The following RALGPS2 variants were observed in gnomAD, a reference collection of about 807,000 sequenced individuals.
RALGPS2 encodes Ral GEF with PH domain and SH3 binding motif 2.
In RALGPS2, 43 loss-of-function variants were observed where a neutral mutation model predicts 86.8. That is an observed-to-expected ratio of 0.50 (90% CI 0.39 to 0.64). The LOEUF is 0.64. Among genes scored for constraint, RALGPS2 ranks in the 30% least tolerant of loss-of-function variants. RALGPS2 has a pLI of 0.00. For missense variants in RALGPS2, 536 were observed against 694.6 expected (o/e 0.77, Z 2.57); for synonymous variants, 243 against 231.3 (o/e 1.05, Z -0.46).
At chr1:178,759,353 T>G (rs1025642411) in intron 1 of RALGPS2, among the ~76,000 whole-genome samples, 1 of 152,162 alleles carries the variant, frequency 6.6e-6, no homozygotes, top group Non-Finnish European at 1.5e-5. Flanking sequence ...CCAATGAATG[T>G]TCTTGGCACC....
At chr1:178,792,360 C>T (rs1462138636) in intron 4 of RALGPS2, among the ~76,000 whole-genome samples, 1 of 152,180 alleles carries the variant, frequency 6.6e-6, no homozygotes, top group Non-Finnish European at 1.5e-5. Context: ...AGCCTTTCCA[C>T]TTCTTTCTCT....
intron 1 of RALGPS2, among the ~76,000 whole-genome samples, chr1:178,738,518 A>G (rs553065947): frequency 3.3e-5 from 5 of 152,170 alleles, no homozygotes; most frequent in Non-Finnish European, 7.4e-5. Context: ...TAATAGTTGT[A>G]TATCTTAAAT....
chr1:178,899,804 C>A (rs1421964295), intron 17 of RALGPS2, among the ~76,000 whole-genome samples: 7 of 151,352 alleles, frequency 4.6e-5, no homozygotes, highest in Non-Finnish European at 8.9e-5. Flanking sequence ...GAGGACTGTT[C>A]TAGATTAAAG....
In RALGPS2 at chr1:178,853,480, A is replaced by G. The variant is rs942601156; in HGVS notation, c.607+19930A>G. On this transcript the variant is annotated intron_variant, in intron 8 of 19. Transcript: ENST00000367635. ...TGACAGATGTAGATAATGAAAAAAC[A>G]TATGGATAGTTATTTTTAACTGTGT... The G allele has an allele frequency of 3.2e-6, 3 of 943,316 alleles. No individual in the cohort carries two copies. The African/African-American group carries it at 5.2e-5, about 16-fold the overall frequency. 58.4% of individuals were successfully genotyped at this position (943,316 alleles called of 1,614,324 possible). A position where few individuals can be genotyped will look rare whatever the true frequency, so the allele number is the denominator to read the frequency against.
chr1:178,853,830 G>A, intron 8 of RALGPS2: 1 of 1,442,878 alleles, frequency 6.9e-7, no homozygotes, highest in Non-Finnish European at 9.2e-7. Context: ...CTTAATATGA[G>A]AAGAGACATG....
At chr1:178,755,542 A>G (rs1242853035) in intron 1 of RALGPS2, among the ~76,000 whole-genome samples, 1 of 152,090 alleles carries the variant, frequency 6.6e-6, no homozygotes, top group African/African-American at 2.4e-5. Flanking sequence ...TGGCTGCGTA[A>G]TATTCCATGG....
At chr1:178,838,980 C>T (rs906329102) in intron 8 of RALGPS2, among the ~76,000 whole-genome samples, 5 of 152,000 alleles carry the variant, frequency 3.3e-5, no homozygotes, top group Admixed American at 6.6e-5. Context: ...TAAAAAGAAA[C>T]GAACAAAGCC....
At chr1:178,873,190 A>G (rs1203968963) in intron 8 of RALGPS2, among the ~76,000 whole-genome samples, 1 of 152,210 alleles carries the variant, frequency 6.6e-6, no homozygotes, top group African/African-American at 2.4e-5. Flanking sequence ...CCATTGCCAA[A>G]ATAAGTGATA....
chr1:178,868,194 A>G (rs190296747), intron 8 of RALGPS2, among the ~76,000 whole-genome samples: 479 of 152,070 alleles, frequency 3.1e-3, no homozygotes, highest in African/African-American at 0.01. Flanking sequence ...ATTTTTAAAA[A>G]TAGACTTTTA....
chr1:178,793,102 C>T (rs890500370), intron 4 of RALGPS2, among the ~76,000 whole-genome samples: 10 of 152,110 alleles, frequency 6.6e-5, no homozygotes, highest in African/African-American at 2.2e-4. Flanking sequence ...TATTTAAAAG[C>T]CCTTTGAATT....
Position 178,877,583 on chromosome 1 carries a change from A to G in RALGPS2, c.693A>G (p.Leu231=). The G allele has an allele frequency of 6.2e-7, 1 of 1,613,542 alleles. No homozygotes were observed. Among genetic ancestry groups the G allele is most frequent in the Non-Finnish European group, 8.5e-7 (1 of 1,179,582 alleles). Residue 231 remains leucine, a synonymous_variant, in exon 9 of 20, where the codon TTA becomes TTG. Coordinates refer to ENST00000367635, the MANE Select transcript of RALGPS2 (RefSeq NM_152663.5). ...TAGAAAATGAGCAAAGATCAAATTT[A>G]ATGAATAATATCCTTCGAATAATTT... ...SILENEQRSN[L]MNNILRIISD...
intron 8 of RALGPS2, among the ~76,000 whole-genome samples, chr1:178,837,742 G>A (rs1053075550): frequency 4.6e-5 from 7 of 152,024 alleles, no homozygotes; most frequent in East Asian, 1.9e-4. Context: ...CACCTCACCC[G>A]GGAAGTGCAA....
intron 13 of RALGPS2, 63 bp downstream of exon 13, chr1:178,886,183 G>A (rs896883361): frequency 8.5e-5 from 131 of 1,547,354 alleles, no homozygotes; most frequent in Middle Eastern, 6.9e-4. Flanking sequence ...AATAAAACTT[G>A]GCTGGAAAAA....
At chr1:178,751,315 A>T (rs867432829) in intron 1 of RALGPS2, among the ~76,000 whole-genome samples, 1 of 152,168 alleles carries the variant, frequency 6.6e-6, no homozygotes, top group African/African-American at 2.4e-5. Flanking sequence ...CTCATCTCAG[A>T]TACCAGATTC....
At chr1:178,893,035 T>C (rs551608033) in intron 15 of RALGPS2, among the ~76,000 whole-genome samples, 11 of 152,278 alleles carry the variant, frequency 7.2e-5, no homozygotes, top group Non-Finnish European at 1.5e-4. Context: ...TAAGTCACTC[T>C]GAAGACACCT....
chr1:178,851,248 C>T, intron 8 of RALGPS2: 2 of 1,613,976 alleles, frequency 1.2e-6, no homozygotes, highest in Middle Eastern at 1.7e-4. Context: ...CTGTACCATA[C>T]TCCATTTAGG....
intron 8 of RALGPS2, among the ~76,000 whole-genome samples, chr1:178,875,747 A>G (rs1026574738): frequency 8.9e-5 from 13 of 146,238 alleles, no homozygotes; most frequent in African/African-American, 3.3e-4. Context: ...CTCTTTCTTG[A>G]AAAAAAAAAT....
At chr1:178,754,898 C>G (rs1651873202) in intron 1 of RALGPS2, among the ~76,000 whole-genome samples, 1 of 152,220 alleles carries the variant, frequency 6.6e-6, no homozygotes, top group Non-Finnish European at 1.5e-5. Flanking sequence ...CTCCCATATT[C>G]AAGTGATTAT....
chr1:178,736,205 G>A (rs1165348780), intron 1 of RALGPS2, among the ~76,000 whole-genome samples: 1 of 146,944 alleles, frequency 6.8e-6, no homozygotes, highest in Non-Finnish European at 1.5e-5. Context: ...TCACTGTGTC[G>A]CCCAGCCTGG....
Sources: gnomAD v4.1 joint callset for allele counts (sites outside exome capture counted in the v4.1 genomes callset) on GRCh38, gnomAD v4.1.1 for gene constraint, MANE v1.5 for transcripts, NCBI Gene and HGNC (gene_info 2026-07-23, HGNC 2026-07-21) for gene names.